Variants in MED12L observed in about 807,000 individuals in gnomAD.
The protein encoded by MED12L is mediator complex subunit 12L, also known as mediator of RNA polymerase II transcription subunit 12-like protein.
A neutral mutation model predicts 281.3 loss-of-function variants in MED12L; 60 were observed. The ratio of observed to expected loss-of-function variants is 0.21; its 90% CI spans 0.17 to 0.26. The LOEUF is 0.26. MED12L is among the 10% of genes least tolerant of loss of function. The probability of loss-of-function intolerance (pLI) is 1.00; values close to 1 mark genes in which losing one functional copy is unlikely to be tolerated. For synonymous variants in MED12L, 974 were observed against 987.2 expected (o/e 0.99, Z 0.25); for missense variants, 2,146 against 2,680.9 (o/e 0.80, Z 4.41).
chr3:151,295,033 C>A (rs1480282630), intron 16 of MED12L: 8 of 1,613,446 alleles, frequency 5.0e-6, no homozygotes, highest in Non-Finnish European at 6.8e-6. Context: ...TGGTTTTATT[C>A]CTAATGTGGA....
At chr3:151,338,693 A>G (rs1228353933) in intron 16 of MED12L, 1 of 1,613,586 alleles carries the variant, frequency 6.2e-7, no homozygotes, top group African/African-American at 1.3e-5. Flanking sequence ...TCCGGATTTG[A>G]AAGAAAATCC....
intron 16 of MED12L, among the ~76,000 whole-genome samples, chr3:151,246,920 C>G (rs973146348): frequency 7.9e-5 from 12 of 152,002 alleles, no homozygotes; most frequent in Non-Finnish European, 1.3e-4. Context: ...AACAAATTTA[C>G]AAGAAAAAAA....
intron 16 of MED12L, among the ~76,000 whole-genome samples, chr3:151,242,054 C>T (rs546231416): frequency 5.9e-5 from 9 of 152,256 alleles, no homozygotes; most frequent in African/African-American, 1.7e-4. Flanking sequence ...CCGAATACTG[C>T]GCTTTTCCGA....
rs1380886477 is a variant in MED12L at position 151,433,057 on chromosome 3, G to A, written c.*253G>A. The A allele has an allele frequency of 3.6e-5, 15 of 414,542 alleles. 1 individual carries two copies. Among genetic ancestry groups the A allele is most frequent in the East Asian group, 8.4e-5 (2 of 23,822 alleles). 25.7% of individuals were successfully genotyped at this position (414,542 alleles called of 1,614,324 possible). A position where few individuals can be genotyped will look rare whatever the true frequency, so the allele number is the denominator to read the frequency against. Reference sequence around the variant, plus strand: ...GAATCATGCAGGCAGGCCTACTCCCGGAAGAGTGTGCTAGCAGACCTTTTG... The same window carrying A: ...GAATCATGCAGGCAGGCCTACTCCCAGAAGAGTGTGCTAGCAGACCTTTTG... On this transcript the variant is annotated 3_prime_UTR_variant, in exon 45 of 45. Transcript: ENST00000687756.
At chr3:151,193,007 C>G (rs969648554) in intron 15 of MED12L, among the ~76,000 whole-genome samples, 1 of 151,860 alleles carries the variant, frequency 6.6e-6, no homozygotes, top group Admixed American at 6.6e-5. Flanking sequence ...TGGCTTTGGG[C>G]CTATTATGCA....
chr3:151,249,625 C>T (rs994431568), intron 16 of MED12L, among the ~76,000 whole-genome samples: 2 of 152,158 alleles, frequency 1.3e-5, no homozygotes, highest in African/African-American at 4.8e-5. Flanking sequence ...AGTACCTCTT[C>T]TACTCCATCT....
chr3:151,199,323 A>T (rs1203078252), intron 16 of MED12L: 4 of 1,610,028 alleles, frequency 2.5e-6, no homozygotes, highest in African/African-American at 1.3e-5. Flanking sequence ...AAAACTAAAT[A>T]AAAAAAATAC....
Position 151,192,627 on chromosome 3 carries a change from TA to T in MED12L, c.2050del (p.Thr684LeufsTer37). 6.5e-7 allele frequency: 1 copy of T among 1,536,198 alleles called. No individual in the cohort carries two copies. The highest frequency in any genetic ancestry group is 8.7e-7 in the Non-Finnish European group (1 of 1,146,596). On this transcript the variant is annotated frameshift_variant, in exon 15 of 45. Coordinates refer to ENST00000687756, the MANE Select transcript of MED12L (RefSeq NM_001393769.1). LOFTEE classifies it high-confidence loss of function. Reference protein sequence around the residue: ...IFDEVDKSDFKTDFGSEFPIF... With the variant: ...IFDEVDKSDFXTDFGSEFPIF... ...TTGATGAAGTAGACAAGAGTGACTT[TA>T]AAACTGACTTTGGTTCGGAATTTCC...
intron 26 of MED12L, 99 bp from the exon 27 acceptor site, chr3:151,372,468 A>G (rs1358116178): frequency 1.2e-6 from 1 of 827,508 alleles, no homozygotes; most frequent in Non-Finnish European, 2.0e-6. Context: ...AATACTGTTC[A>G]TATATTTTAA....
At chr3:151,398,163 T>G (rs1252943103) in intron 39 of MED12L, among the ~76,000 whole-genome samples, 1 of 152,240 alleles carries the variant, frequency 6.6e-6, no homozygotes, top group African/African-American at 2.4e-5. Flanking sequence ...ATCCTCAGCA[T>G]TCTGATTTTT....
At chr3:151,397,758 A>G (rs1218265191) in intron 39 of MED12L, among the ~76,000 whole-genome samples, 1 of 152,192 alleles carries the variant, frequency 6.6e-6, no homozygotes, top group Non-Finnish European at 1.5e-5. Flanking sequence ...CTACATAAGG[A>G]CTAATAATAT....
chr3:151,106,301 T>TTTTCCC (rs1191555252), intron 2 of MED12L, among the ~76,000 whole-genome samples: 11,850 of 96,938 alleles, frequency 0.12, 1,498 homozygotes, highest in African/African-American at 0.22. Context: ...TTCCTTTTCC[T>TTTTCCC]TTTCCTTCTC....
chr3:151,340,365 T>A (rs1751657347), intron 16 of MED12L, among the ~76,000 whole-genome samples: 1 of 152,200 alleles, frequency 6.6e-6, no homozygotes, highest in South Asian at 2.1e-4. Flanking sequence ...TAAGACCATT[T>A]ATATTTTATT....
At chr3:151,261,832 C>A (rs1299956502) in intron 16 of MED12L, among the ~76,000 whole-genome samples, 3 of 152,122 alleles carry the variant, frequency 2.0e-5, no homozygotes, top group Non-Finnish European at 4.4e-5. Flanking sequence ...TCAATACATT[C>A]TTGTGCCTCA....
At chr3:151,420,912 A>G (rs536219525) in intron 43 of MED12L, among the ~76,000 whole-genome samples, 135 of 152,350 alleles carry the variant, frequency 8.9e-4, no homozygotes, top group Non-Finnish European at 9.7e-4. Context: ...AGTGTCTTCC[A>G]GTGAGGACAA....
chr3:151,277,261 G>C (rs1260537077), intron 16 of MED12L, among the ~76,000 whole-genome samples: 4 of 151,508 alleles, frequency 2.6e-5, no homozygotes, highest in African/African-American at 9.7e-5. Flanking sequence ...ATATACCAAT[G>C]TGTTAATTGT....
intron 2 of MED12L, among the ~76,000 whole-genome samples, chr3:151,111,128 T>TA (rs1711815126): frequency 6.6e-6 from 1 of 152,248 alleles, no homozygotes. Context: ...ATGTAAAAGT[T>TA]AGAGAGCCAC....
At chr3:151,346,544 CAAG>C (rs1366061010) in intron 16 of MED12L, among the ~76,000 whole-genome samples, 1 of 152,190 alleles carries the variant, frequency 6.6e-6, no homozygotes, top group African/African-American at 2.4e-5. Flanking sequence ...TGTCAGTAAA[CAAG>C]AAGTCACATC....
intron 16 of MED12L, chr3:151,198,202 G>GT (rs1724938545): frequency 7.6e-6 from 3 of 395,736 alleles, no homozygotes; most frequent in Non-Finnish European, 4.5e-6. Flanking sequence ...AGACTCTTTA[G>GT]TTTTTTGTAC....
Sources: gnomAD v4.1 joint callset for allele counts (sites outside exome capture counted in the v4.1 genomes callset) on GRCh38, gnomAD v4.1.1 for gene constraint, MANE v1.5 for transcripts, NCBI Gene and HGNC (gene_info 2026-07-23, HGNC 2026-07-21) for gene names.